The following TOP1 variants were observed in gnomAD, a reference collection of about 807,000 sequenced individuals.
TOP1 encodes the protein DNA topoisomerase I.
TOP1 carries 10 observed loss-of-function variants against 111.1 expected under a neutral mutation model. The ratio of observed to expected loss-of-function variants is 0.09; its 90% CI spans 0.06 to 0.15. The LOEUF (loss-of-function observed/expected upper bound fraction) is 0.15, where lower values mean the gene tolerates loss of function less well. Among genes scored for constraint, TOP1 ranks in the 10% least tolerant of loss-of-function variants. The pLI, the probability that TOP1 is intolerant of heterozygous loss-of-function variation, is 1.00. For synonymous variants in TOP1, 271 were observed against 302.9 expected, an observed-to-expected ratio of 0.89 and a Z score of 1.10; for missense variants, 474 against 926.7, an observed-to-expected ratio of 0.51 and a Z score of 6.34.
Position 41,084,555 on chromosome 20 carries a change from C to A in TOP1, c.601C>A (p.Gln201Lys). Residue 201 changes from glutamine to lysine, a missense_variant, in exon 8 of 21, where the codon CAG (glutamine) becomes AAG (lysine). By Grantham distance (53) the Gln-to-Lys change is moderately conservative (BLOSUM62 1). Coordinates refer to ENST00000361337, the MANE Select transcript of TOP1 (RefSeq NM_003286.4). ...AAAGAAGCCGAAGAAAGAAGAGGAA[C>A]AGAAGTGGAAATGGTAACATCTCAG... ...KKKKPKKEEEQKWKWWEEERY... is the reference protein window; with the variant it reads ...KKKKPKKEEEKKWKWWEEERY... The A allele has an allele frequency of 6.4e-7, 1 of 1,566,058 alleles. No individual in the cohort carries two copies. The highest frequency in any genetic ancestry group is 8.7e-7 in the Non-Finnish European group (1 of 1,153,836).
intron 3 of TOP1, among the ~76,000 whole-genome samples, chr20:41,066,560 T>TC (rs1555804123): frequency 1.4e-5 from 2 of 147,304 alleles, no homozygotes; most frequent in Non-Finnish European, 3.0e-5. Flanking sequence ...TTCTTTTCTT[T>TC]TTTTTTTTTT....
intron 2 of TOP1, among the ~76,000 whole-genome samples, chr20:41,041,026 A>T (rs2033257540): frequency 6.6e-6 from 1 of 152,140 alleles, no homozygotes; most frequent in African/African-American, 2.4e-5. Flanking sequence ...TTGATGGCAT[A>T]GTCACAGATA....
At position 41,102,611 on chromosome 20, in the gene TOP1, A is replaced by G. The variant is rs766904781; in HGVS notation, c.1308+1258A>G. On this transcript the variant is annotated intron_variant, in intron 13 of 20. Coordinates refer to ENST00000361337, the MANE Select transcript of TOP1 (RefSeq NM_003286.4). The surrounding 1 kb of genome is among the most constrained non-coding windows in gnomAD (Gnocchi z 4.0). ...GGCAAGAGACTTAGACTCTGTCTCA[A>G]ATAAATAACTAAATACATAAATAAA... 2.0e-5 allele frequency among the ~76,000 whole-genome samples: 3 copies of G among 152,248 alleles called. No homozygotes were observed. Among genetic ancestry groups the G allele is most frequent in the Admixed American group, 6.5e-5 (1 of 15,288 alleles).
chr20:41,119,183 T>C (rs2034381320), intron 18 of TOP1, among the ~76,000 whole-genome samples: 1 of 152,264 alleles, frequency 6.6e-6, no homozygotes. Flanking sequence ...TTAATTAATA[T>C]CAATGATACT....
intron 4 of TOP1, among the ~76,000 whole-genome samples, chr20:41,076,933 A>ATG (rs774961882): frequency 6.6e-6 from 1 of 152,004 alleles, no homozygotes; most frequent in Non-Finnish European, 1.5e-5. Context: ...GTATATCTGT[A>ATG]TGTGTGTGTG....
chr20:41,052,924 A>C (rs2033423308), intron 2 of TOP1, among the ~76,000 whole-genome samples: 1 of 152,168 alleles, frequency 6.6e-6, no homozygotes, highest in African/African-American at 2.4e-5. Context: ...TGGGAGGCGG[A>C]GGTTGCAGGG....
chr20:41,070,567 A>G lies in TOP1; in HGVS notation c.156-5604A>G, dbSNP rs7263520. The stretch of plus-strand genomic sequence containing the variant: ...TACTTAAATATTTAATTTAACAAAT[A>G]TCATTTAAGATTTAACTGTCTACTA... On this transcript the variant is annotated intron_variant, in intron 3 of 20. Coordinates refer to ENST00000361337, the MANE Select transcript of TOP1 (RefSeq NM_003286.4). 9.1e-4 allele frequency among the ~76,000 whole-genome samples: 139 copies of G among 152,354 alleles called. 1 individual carries two copies. The highest frequency in any genetic ancestry group is 3.1e-3 in the African/African-American group (130 of 41,566).
chr20:41,075,667 C>T (rs146436133), intron 3 of TOP1, among the ~76,000 whole-genome samples: 6 of 152,264 alleles, frequency 3.9e-5, no homozygotes, highest in Non-Finnish European at 8.8e-5. Flanking sequence ...AAAGGGCTAA[C>T]GTAAGTCCCA....
In TOP1 at chr20:41,092,492, C is replaced by A; in HGVS notation, c.635C>A (p.Pro212His). 1 of 1,599,434 alleles carries A rather than the reference C, an allele frequency of 6.3e-7. No individual in the cohort carries two copies. The highest frequency in any genetic ancestry group is 1.8e-5 in the Admixed American group (1 of 56,978). The part of the protein sequence containing the change: ...KWKWWEEERY[P>H]EGIKWKFLEH... ...TAAAGGTGGGAAGAAGAGCGCTATC[C>A]TGAAGGCATCAAGTGGAAATTCCTA... Residue 212 changes from proline (P) to histidine (H), a missense_variant, in exon 9 of 21, where the codon CCT becomes CAT. Pro to His is a moderately conservative substitution (Grantham distance 77). Coordinates refer to ENST00000361337, the MANE Select transcript of TOP1 (RefSeq NM_003286.4). This position sits in a 1 kb window ranked among gnomAD's most constrained non-coding sequence, Gnocchi z 4.3.
At chr20:41,093,051 G>A (rs2033939079) in intron 9 of TOP1, among the ~76,000 whole-genome samples, 1 of 152,210 alleles carries the variant, frequency 6.6e-6, no homozygotes, top group Admixed American at 6.5e-5. Context: ...AGATAGGGCT[G>A]GTAGGCATCT....
At chr20:41,066,703 C>T (rs898842159) in intron 3 of TOP1, among the ~76,000 whole-genome samples, 39 of 151,354 alleles carry the variant, frequency 2.6e-4, no homozygotes, top group Non-Finnish European at 5.0e-4. Context: ...TACAGGTGCC[C>T]GCCACCATGC....
chr20:41,080,139 AGAG>A lies in TOP1; in HGVS notation c.393_395del (p.Glu131del). 1.2e-6 allele frequency: 2 copies of A among 1,611,602 alleles called. No individual in the cohort carries two copies. Among genetic ancestry groups the A allele is most frequent in the Non-Finnish European group, 1.7e-6 (2 of 1,178,932 alleles). ...ATGATGGCTATTTTGTTCCTCCTAA[AGAG>A]GATATAAAGCCATTAAAGAGACCTC... On this transcript the variant is annotated inframe_deletion, in exon 6 of 21. Transcript: ENST00000361337. The surrounding 1 kb of genome is among the most constrained non-coding windows in gnomAD (Gnocchi z 5.0).
At position 41,041,151 on chromosome 20, in the gene TOP1, T is replaced by C. The variant is rs73909129; in HGVS notation, c.58+11696T>C. ...TTTGTTATCCTCTTTTAATATTTCATTCTGTAGTAGTCTGTATTTATGTGT... is the reference window on the plus strand; with the variant it reads ...TTTGTTATCCTCTTTTAATATTTCACTCTGTAGTAGTCTGTATTTATGTGT... On this transcript the variant is annotated intron_variant, in intron 2 of 20. Transcript: ENST00000361337. 5.0e-3 allele frequency among the ~76,000 whole-genome samples: 757 copies of C among 152,274 alleles called. 2 individuals are homozygous for C. Among genetic ancestry groups the C allele is most frequent in the African/African-American group, 0.017 (718 of 41,540 alleles).
intron 2 of TOP1, among the ~76,000 whole-genome samples, chr20:41,047,544 AAGG>A (rs910681283): frequency 2.6e-5 from 4 of 152,208 alleles, no homozygotes; most frequent in Admixed American, 1.3e-4. Flanking sequence ...AAAAAATTGA[AAGG>A]AGAGTATTAC....
chr20:41,113,899 ACAC>A, intron 14 of TOP1, 68 bp from the exon 15 acceptor site: 11 of 1,202,002 alleles, frequency 9.2e-6, no homozygotes, highest in South Asian at 1.6e-5. Flanking sequence ...AAAAAAAAAA[ACAC>A]AGAACGAAAT....
intron 18 of TOP1, among the ~76,000 whole-genome samples, chr20:41,120,040 C>T (rs2034396917): frequency 6.6e-6 from 1 of 152,216 alleles, no homozygotes; most frequent in African/African-American, 2.4e-5. Context: ...CCTCCAAACC[C>T]AGGATTCCTC....
At chr20:41,073,746 A>G (rs1044989121) in intron 3 of TOP1, among the ~76,000 whole-genome samples, 5 of 152,232 alleles carry the variant, frequency 3.3e-5, no homozygotes, top group African/African-American at 1.2e-4. Flanking sequence ...AACCTGCCTC[A>G]CAGGAGTGTT....
At chr20:41,050,317 C>CCT (rs2033389292) in intron 2 of TOP1, among the ~76,000 whole-genome samples, 1 of 152,178 alleles carries the variant, frequency 6.6e-6, no homozygotes, top group South Asian at 2.1e-4. Flanking sequence ...TGCTCCCAGC[C>CCT]CTCATTCATC....
In TOP1 at chr20:41,116,253, A is replaced by G. The variant is rs765489175; in HGVS notation, c.1708-25A>G. ...GGAGCAGGTAGTATAGCTTTGACCTAAATCTGTTGCTTTGTCTCCTCCAGA... is the reference window on the plus strand; with the variant it reads ...GGAGCAGGTAGTATAGCTTTGACCTGAATCTGTTGCTTTGTCTCCTCCAGA... On this transcript the variant is annotated intron_variant, in intron 16 of 20. Transcript: ENST00000361337. The surrounding 1 kb of genome is among the most constrained non-coding windows in gnomAD (Gnocchi z 5.6). The G allele has an allele frequency of 1.6e-5, 25 of 1,545,826 alleles. No homozygotes were observed. The highest frequency in any genetic ancestry group is 2.1e-5 in the Non-Finnish European group (24 of 1,119,858).
Sources: gnomAD v4.1 joint callset for allele counts (sites outside exome capture counted in the v4.1 genomes callset) on GRCh38, gnomAD v4.1.1 for gene constraint, Gnocchi (gnomAD v3.1) non-coding constraint, MANE v1.5 for transcripts, NCBI Gene and HGNC (gene_info 2026-07-23, HGNC 2026-07-21) for gene names.